PRRC1: variants seen among roughly 807,000 people sequenced by gnomAD.
PRRC1 encodes the protein protein PRRC1.
In PRRC1, 39 loss-of-function variants were observed where a neutral mutation model predicts 40.7. The ratio of observed to expected loss-of-function variants is 0.96; its 90% confidence interval spans 0.74 to 1.25. PRRC1 has a LOEUF of 1.25. Among genes scored for constraint, PRRC1 ranks in the 50% most tolerant of loss-of-function variants. The pLI, the probability that PRRC1 is intolerant of heterozygous loss-of-function variation, is 0.00. For synonymous variants in PRRC1, 175 were observed against 193.3 expected, an observed-to-expected ratio of 0.91 and a Z score of 0.79; for missense variants, 573 against 548.3, an observed-to-expected ratio of 1.05 and a Z score of -0.45.
intron 6 of PRRC1, 62 bp downstream of exon 6, chr5:127,533,848 G>A (rs903100428): frequency 1.3e-6 from 2 of 1,553,798 alleles, no homozygotes; most frequent in African/African-American, 2.7e-5. Context: ...TCACAATTCT[G>A]ATAATCTGTT....
Position 127,552,154 on chromosome 5 carries a change from T to C in PRRC1, c.*238T>C, listed in dbSNP as rs904635935. On this transcript the variant is annotated 3_prime_UTR_variant, in exon 9 of 9. Transcript: ENST00000296666. ...ATCATAGTACTCAAAAAAGAAAATA[T>C]ACAAATCTATTTACAGCACAATTTA... 7 of 1,303,386 alleles carry C rather than the reference T, an allele frequency of 5.4e-6. 1 individual carries two copies. Among genetic ancestry groups the C allele is most frequent in the South Asian group, 4.0e-5 (2 of 50,620 alleles). The allele number at this position is 1,303,386 out of a possible 1,614,324, so 80.7% of individuals were successfully genotyped here.
Position 127,551,909 on chromosome 5 carries a change from C to T in PRRC1, c.1331C>T (p.Thr444Ile), listed in dbSNP as rs781461585. Residue 444 changes from threonine (T) to isoleucine (I), a missense_variant, in exon 9 of 9, where the codon ACA (threonine) becomes ATA (isoleucine). Thr to Ile is a moderately conservative substitution (Grantham distance 89). Coordinates refer to ENST00000296666, the MANE Select transcript of PRRC1 (RefSeq NM_130809.5). ...GMYKQRLPPR[T>I]V Reference sequence around the variant, plus strand: ...TATAAACAGCGCCTGCCACCCAGGACAGTGTGAGAGGAGACCTACCTGGGA... The same window carrying T: ...TATAAACAGCGCCTGCCACCCAGGATAGTGTGAGAGGAGACCTACCTGGGA... 6 of 1,614,060 alleles carry T rather than the reference C, an allele frequency of 3.7e-6. No individual in the cohort carries two copies. The highest frequency in any genetic ancestry group is 2.2e-5 in the South Asian group (2 of 91,074).
intron 5 of PRRC1, among the ~76,000 whole-genome samples, chr5:127,532,379 T>C (rs1454831511): frequency 6.6e-6 from 1 of 152,190 alleles, no homozygotes; most frequent in African/African-American, 2.4e-5. Flanking sequence ...AGTGCTGGGA[T>C]TACAGGCGTG....
rs180849443 is a variant in PRRC1, at chr5:127,543,119, C to T, written c.1025+3976C>T. Among the ~76,000 whole-genome samples, 1,126 of 152,056 alleles carry T rather than the reference C, an allele frequency of 7.4e-3. 2 individuals carry two copies. The highest frequency in any genetic ancestry group is 0.024 in the Middle Eastern group (7 of 294). On this transcript the variant is annotated intron_variant, in intron 7 of 8. Transcript: ENST00000296666. ...CTTGTCTGTAAAGTATTTTATTTCTCCTTCACTTACAAAACTTAGTTTGGC... is the reference window on the plus strand; with the variant it reads ...CTTGTCTGTAAAGTATTTTATTTCTTCTTCACTTACAAAACTTAGTTTGGC...
intron 4 of PRRC1, among the ~76,000 whole-genome samples, chr5:127,527,772 A>C (rs1054459735): frequency 6.6e-6 from 1 of 151,408 alleles, no homozygotes; most frequent in East Asian, 1.9e-4. Flanking sequence ...AAAAAAAAAA[A>C]AAAAAACCAA....
chr5:127,518,690 T>G (rs1213087267), intron 1 of PRRC1, among the ~76,000 whole-genome samples: 1 of 152,134 alleles, frequency 6.6e-6, no homozygotes, highest in Non-Finnish European at 1.5e-5. Flanking sequence ...TTATCAGAGC[T>G]TCACTCTTCC....
Position 127,553,917 on chromosome 5 carries a change from G to A in PRRC1, c.*2001G>A. ...TGCTCGGAACCGTGTGAGTGGGTGA[G>A]GAAGATGAGAGATGGTCAGATGGAA... On this transcript the variant is annotated 3_prime_UTR_variant, in exon 9 of 9. Coordinates refer to ENST00000296666, the MANE Select transcript of PRRC1 (RefSeq NM_130809.5). 6.5e-7 allele frequency: 1 copy of A among 1,534,914 alleles called. No individual in the cohort carries two copies. The highest frequency in any genetic ancestry group is 8.7e-7 in the Non-Finnish European group (1 of 1,146,180).
At position 127,553,527 on chromosome 5, in the gene PRRC1, G is replaced by A. The variant is rs116445834; in HGVS notation, c.*1611G>A. 1.8e-3 allele frequency: 2,138 copies of A among 1,173,482 alleles called. 9 individuals carry two copies. The Middle Eastern group carries it at 0.024, about 13-fold the overall frequency. 72.7% of individuals were successfully genotyped at this position (1,173,482 alleles called of 1,614,324 possible). A position where few individuals can be genotyped will look rare whatever the true frequency, so the allele number is the denominator to read the frequency against. ...CAAGAAGGCTTTCTCTACCATTTGC[G>A]TCTACACTTTATTTTAAAAGCTATC... On this transcript the variant is annotated 3_prime_UTR_variant, in exon 9 of 9. Coordinates refer to ENST00000296666, the MANE Select transcript of PRRC1 (RefSeq NM_130809.5).
chr5:127,538,906 AT>A (rs1767964885), intron 6 of PRRC1, 133 bp from the exon 7 acceptor site: 2 of 522,326 alleles, frequency 3.8e-6, no homozygotes, highest in Non-Finnish European at 6.4e-6. Context: ...ACATTTTTGT[AT>A]TGTTTGAACG....
rs111651218 is a variant in PRRC1 at position 127,553,516 on chromosome 5, C to T, written c.*1600C>T. The T allele has an allele frequency of 4.0e-3, 4,556 of 1,152,044 alleles. 151 individuals are homozygous for T. In the African/African-American group the frequency reaches 0.069, roughly 17 times the overall value. The allele number at this position is 1,152,044 out of a possible 1,614,324, so 71.4% of individuals were successfully genotyped here. ...TCCTTCAAGTACAAGAAGGCTTTCTCTACCATTTGCGTCTACACTTTATTT... is the reference window on the plus strand; with the variant it reads ...TCCTTCAAGTACAAGAAGGCTTTCTTTACCATTTGCGTCTACACTTTATTT... On this transcript the variant is annotated 3_prime_UTR_variant, in exon 9 of 9. Coordinates refer to ENST00000296666, the MANE Select transcript of PRRC1 (RefSeq NM_130809.5).
At chr5:127,547,745 T>C in intron 7 of PRRC1, 74 bp from the exon 8 acceptor site, 1 of 999,776 alleles carries the variant, frequency 1.0e-6, no homozygotes, top group Non-Finnish European at 1.5e-6. Context: ...ATAGTACTTG[T>C]TTTTTCTTTT....
chr5:127,539,327 C>T (rs6878914), intron 7 of PRRC1, among the ~76,000 whole-genome samples, 184 bp downstream of exon 7: 3,042 of 152,112 alleles, frequency 0.02, 101 homozygotes, highest in African/African-American at 0.07. Context: ...CCTTGTGTCT[C>T]TTTTTTAATT....
At chr5:127,534,582 T>G (rs1767848184) in intron 6 of PRRC1, among the ~76,000 whole-genome samples, 1 of 152,190 alleles carries the variant, frequency 6.6e-6, no homozygotes, top group Admixed American at 6.5e-5. Flanking sequence ...ATTCCACACT[T>G]TAGTTTTTCC....
chr5:127,531,552 C>T (rs1767769105), intron 5 of PRRC1, among the ~76,000 whole-genome samples: 1 of 151,044 alleles, frequency 6.6e-6, no homozygotes, highest in African/African-American at 2.4e-5. Context: ...ACTATGAAAG[C>T]AATTACCTTA....
At chr5:127,551,343 C>A in intron 8 of PRRC1, 1 of 226,200 alleles carries the variant, frequency 4.4e-6, no homozygotes, top group Non-Finnish European at 8.9e-6. Flanking sequence ...GGATTTAAGC[C>A]TTAATTTTCA....
chr5:127,538,676 G>T (rs1315432604), intron 6 of PRRC1, among the ~76,000 whole-genome samples: 2 of 152,054 alleles, frequency 1.3e-5, no homozygotes, highest in Admixed American at 1.3e-4. Flanking sequence ...TGCCAGAACT[G>T]ATAAAAACTT....
In PRRC1 at chr5:127,552,816, T is replaced by TAAC; in HGVS notation, c.*901_*902insACA. 1.0e-6 allele frequency: 1 copy of TAAC among 985,586 alleles called. No homozygotes were observed. Among genetic ancestry groups the TAAC allele is most frequent in the Non-Finnish European group, 1.2e-6 (1 of 829,676 alleles). 61.1% of individuals were successfully genotyped at this position (985,586 alleles called of 1,614,324 possible). Reference sequence around the variant, plus strand: ...GGTTACTTTATTGCTTGTGGGTTAGTATGTCTCTTACTTCAATTAAGGTTA... The same window carrying TAAC: ...GGTTACTTTATTGCTTGTGGGTTAGTAACATGTCTCTTACTTCAATTAAGGTTA... On this transcript the variant is annotated 3_prime_UTR_variant, in exon 9 of 9. Coordinates refer to ENST00000296666, the MANE Select transcript of PRRC1 (RefSeq NM_130809.5).
chr5:127,548,000 T>A (rs772359503), intron 8 of PRRC1, 79 bp downstream of exon 8: 5 of 963,344 alleles, frequency 5.2e-6, no homozygotes, highest in Admixed American at 5.2e-5. Flanking sequence ...TTTGTTCGGT[T>A]TTTTTGTTAG....
At position 127,552,473 on chromosome 5, in the gene PRRC1, A is replaced by G. The variant is rs1024209482; in HGVS notation, c.*557A>G. The G allele has an allele frequency of 4.1e-6, 4 of 986,722 alleles. No individual in the cohort carries two copies. The highest frequency in any genetic ancestry group is 4.8e-6 in the Non-Finnish European group (4 of 830,516). The allele number at this position is 986,722 out of a possible 1,614,324, so 61.1% of individuals were successfully genotyped here. On this transcript the variant is annotated 3_prime_UTR_variant, in exon 9 of 9. Coordinates refer to ENST00000296666, the MANE Select transcript of PRRC1 (RefSeq NM_130809.5). ...GCATGTTTTCAGTAATATGGGCCAA[A>G]ATAATGGAATTGATTATTTTCCTTT...
Sources: allele counts gnomAD v4.1 joint callset (sites outside exome capture counted in the v4.1 genomes callset), GRCh38; gene constraint gnomAD v4.1.1; transcripts MANE v1.5; gene names NCBI Gene and HGNC (gene_info 2026-07-23, HGNC 2026-07-21).